EDIL3: variants seen among roughly 807,000 people sequenced by gnomAD.
EDIL3 encodes EGF-like repeat and discoidin I-like domain-containing protein 3.
EDIL3 carries 37 observed loss-of-function variants against 67.4 expected under a neutral mutation model. That is an observed-to-expected ratio of 0.55 (90% CI 0.42 to 0.72). EDIL3 has a LOEUF of 0.72. EDIL3 is among the 30% of genes least tolerant of loss of function. The pLI, the probability that EDIL3 is intolerant of heterozygous loss-of-function variation, is 0.00. For synonymous variants in EDIL3, 195 were observed against 196.3 expected (o/e 0.99, Z 0.05); for missense variants, 527 against 586.3 (o/e 0.90, Z 1.04).
intron 1 of EDIL3, among the ~76,000 whole-genome samples, chr5:84,367,893 T>C (rs1747773912): frequency 6.6e-6 from 1 of 152,196 alleles, no homozygotes; most frequent in South Asian, 2.1e-4. Context: ...AGCTTTTTGA[T>C]CACTGTAATT....
chr5:84,063,628 C>T (rs1746581530), intron 8 of EDIL3, among the ~76,000 whole-genome samples: 1 of 151,994 alleles, frequency 6.6e-6, no homozygotes, highest in Non-Finnish European at 1.5e-5. Flanking sequence ...TTAGGCAACA[C>T]AAATAAATTT....
intron 4 of EDIL3, among the ~76,000 whole-genome samples, chr5:84,142,825 C>G (rs575216953): frequency 6.1e-5 from 9 of 147,188 alleles, no homozygotes; most frequent in South Asian, 2.4e-4. Flanking sequence ...CGGTGCCCCC[C>G]CCCCCAAGCT....
At chr5:84,253,320 C>A (rs7356664) in intron 2 of EDIL3, among the ~76,000 whole-genome samples, 1 of 152,012 alleles carries the variant, frequency 6.6e-6, no homozygotes, top group African/African-American at 2.4e-5. Context: ...GGTACTAATG[C>A]GAAAAATATA....
intron 1 of EDIL3, among the ~76,000 whole-genome samples, chr5:84,260,659 A>G (rs1745209362): frequency 6.6e-6 from 1 of 152,162 alleles, no homozygotes; most frequent in African/African-American, 2.4e-5. Flanking sequence ...TAATGTATTT[A>G]TGTATTGACA....
intron 1 of EDIL3, 97 bp downstream of exon 1, chr5:84,384,211 G>T: frequency 6.9e-7 from 1 of 1,452,510 alleles, no homozygotes; most frequent in Non-Finnish European, 9.3e-7. Context: ...CGCCACCCTT[G>T]GCACGCCGGA....
At chr5:84,212,016 G>A (rs139387190) in intron 3 of EDIL3, among the ~76,000 whole-genome samples, 2 of 152,096 alleles carry the variant, frequency 1.3e-5, no homozygotes, top group Non-Finnish European at 2.9e-5. Context: ...TTTTGATTGC[G>A]TTCTCTCTCT....
At chr5:84,030,813 C>T (rs1245822963) in intron 9 of EDIL3, among the ~76,000 whole-genome samples, 1 of 152,168 alleles carries the variant, frequency 6.6e-6, no homozygotes, top group Non-Finnish European at 1.5e-5. Flanking sequence ...TCAGATTCTC[C>T]CACGTCTTCT....
rs199706402 is a variant in EDIL3 at position 84,361,957 on chromosome 5, CAT to C, written c.67+22349_67+22350del. 8.8e-4 allele frequency among the ~76,000 whole-genome samples: 134 copies of C among 152,160 alleles called. 2 individuals carry two copies. In the East Asian group the frequency reaches 0.02, roughly 23 times the overall value. ...AAGCCATAAATACTCTTTGACTACA[CAT>C]GAGTTTTCTGCATGTGGCTTCATAG... On this transcript the variant is annotated intron_variant, in intron 1 of 10. Transcript: ENST00000296591.
intron 2 of EDIL3, among the ~76,000 whole-genome samples, chr5:84,245,131 TTTA>T (rs1425834564): frequency 6.6e-6 from 1 of 152,228 alleles, no homozygotes; most frequent in Admixed American, 6.5e-5. Flanking sequence ...CTTTATAGTT[TTTA>T]TTAACTAAAC....
chr5:83,961,610 T>C (rs1744608953), intron 10 of EDIL3, among the ~76,000 whole-genome samples: 1 of 151,206 alleles, frequency 6.6e-6, no homozygotes, highest in Non-Finnish European at 1.5e-5. Flanking sequence ...ATCTTACACA[T>C]GGATAAGTAA....
chr5:84,110,084 G>A (rs1434648574), intron 5 of EDIL3, among the ~76,000 whole-genome samples: 2 of 152,140 alleles, frequency 1.3e-5, no homozygotes, highest in African/African-American at 2.4e-5. Flanking sequence ...ATTTCTCACT[G>A]TTATATCCTT....
At chr5:84,055,009 T>C (rs1746416786) in intron 9 of EDIL3, among the ~76,000 whole-genome samples, 1 of 146,398 alleles carries the variant, frequency 6.8e-6, no homozygotes. Flanking sequence ...AAATCAATCC[T>C]AAGCCAAAAG....
intron 9 of EDIL3, among the ~76,000 whole-genome samples, chr5:83,989,869 C>T (rs1465547616): frequency 4.6e-5 from 7 of 152,082 alleles, no homozygotes. Context: ...AGTCAGTGAC[C>T]ATGTTGAGAA....
chr5:83,978,092 A>C (rs968275191), intron 9 of EDIL3, among the ~76,000 whole-genome samples: 1 of 151,978 alleles, frequency 6.6e-6, no homozygotes, highest in Non-Finnish European at 1.5e-5. Flanking sequence ...TGCTGTAAGC[A>C]TATGATATAA....
chr5:83,964,186 G>A (rs933732265), intron 9 of EDIL3, among the ~76,000 whole-genome samples: 2 of 151,682 alleles, frequency 1.3e-5, no homozygotes, highest in East Asian at 1.9e-4. Flanking sequence ...AGAATAGTTC[G>A]GTATTTTCCC....
intron 2 of EDIL3, among the ~76,000 whole-genome samples, chr5:84,242,699 G>A (rs539661924): frequency 6.6e-6 from 1 of 151,238 alleles, no homozygotes; most frequent in East Asian, 2.0e-4. Context: ...TTGGGAGGCT[G>A]AGGTGGGAAG....
At chr5:84,189,267 C>A (rs1365538530) in intron 3 of EDIL3, among the ~76,000 whole-genome samples, 1 of 151,752 alleles carries the variant, frequency 6.6e-6, no homozygotes, top group Non-Finnish European at 1.5e-5. Context: ...TCAAGGAGAG[C>A]CTAGCACTGC....
chr5:84,222,465 C>A (rs1306614565), intron 3 of EDIL3, among the ~76,000 whole-genome samples: 1 of 151,740 alleles, frequency 6.6e-6, no homozygotes, highest in African/African-American at 2.4e-5. Context: ...TCTCTATGGA[C>A]ATCACAGAGT....
chr5:84,281,855 CTTTTTTTTTT>C (rs10708663), intron 1 of EDIL3, among the ~76,000 whole-genome samples: 2 of 72,576 alleles, frequency 2.8e-5, no homozygotes, highest in African/African-American at 1.2e-4. Flanking sequence ...TTTTATTTCA[CTTTTTTTTTT>C]TTTTTTTTTT....
Sources: gnomAD v4.1 joint callset for allele counts (sites outside exome capture counted in the v4.1 genomes callset) on GRCh38, gnomAD v4.1.1 for gene constraint, MANE v1.5 for transcripts, NCBI Gene and HGNC (gene_info 2026-07-23, HGNC 2026-07-21) for gene names.